CNTNAP5: variants seen among roughly 807,000 people sequenced by gnomAD.
CNTNAP5 encodes contactin associated protein family member 5.
A neutral mutation model predicts 150.2 loss-of-function variants in CNTNAP5; 72 were observed. That is an observed-to-expected ratio of 0.48 (90% CI 0.40 to 0.58). The LOEUF (loss-of-function observed/expected upper bound fraction) is 0.58, where lower values mean the gene tolerates loss of function less well. Ranked by LOEUF, CNTNAP5 falls within the 20% of genes least tolerant of loss-of-function variation. The pLI is 0.00. For synonymous variants in CNTNAP5, 672 were observed against 619.8 expected (o/e 1.08, Z -1.25); for missense variants, 1,636 against 1,626.2 (o/e 1.01, Z -0.10).
chr2:124,302,329 G>A (rs879833289), intron 3 of CNTNAP5, among the ~76,000 whole-genome samples: 12 of 152,324 alleles, frequency 7.9e-5, no homozygotes, highest in Admixed American at 2.6e-4. Context: ...TTTATGTGCC[G>A]GTCTTAGCTT....
At chr2:124,717,645 TCAC>T (rs1220569396) in intron 13 of CNTNAP5, among the ~76,000 whole-genome samples, 1 of 152,190 alleles carries the variant, frequency 6.6e-6, no homozygotes, top group African/African-American at 2.4e-5. Context: ...GAACGATGCA[TCAC>T]ACATGATTCT....
chr2:124,482,267 C>G (rs149398052), intron 7 of CNTNAP5, among the ~76,000 whole-genome samples: 2 of 152,232 alleles, frequency 1.3e-5, no homozygotes, highest in African/African-American at 4.8e-5. Context: ...TGACTGATGA[C>G]CTGTGGTTCT....
chr2:124,517,996 G>A (rs189790437), intron 8 of CNTNAP5, among the ~76,000 whole-genome samples: 57 of 151,756 alleles, frequency 3.8e-4, no homozygotes, highest in African/African-American at 1.4e-3. Flanking sequence ...TGGTGATGGG[G>A]GATTGTTATT....
At chr2:124,419,908 CTT>C (rs1229933288) in intron 4 of CNTNAP5, among the ~76,000 whole-genome samples, 2 of 113,986 alleles carry the variant, frequency 1.8e-5, no homozygotes, top group East Asian at 4.8e-4. Flanking sequence ...TTCTTTCTTT[CTT>C]TCTTTCTTTC....
chr2:124,496,451 CT>C (rs2104855193), intron 7 of CNTNAP5, among the ~76,000 whole-genome samples: 2 of 152,178 alleles, frequency 1.3e-5, no homozygotes, highest in Non-Finnish European at 2.9e-5. Context: ...TGTTTGATGC[CT>C]CATGACTGAA....
intron 12 of CNTNAP5, among the ~76,000 whole-genome samples, chr2:124,631,926 G>A (rs1407440509): frequency 6.6e-6 from 1 of 152,056 alleles, no homozygotes; most frequent in African/African-American, 2.4e-5. Context: ...ACACTTCTCA[G>A]AAAAGGCACA....
At chr2:124,476,313 T>G (rs1693639991) in intron 7 of CNTNAP5, among the ~76,000 whole-genome samples, 1 of 152,150 alleles carries the variant, frequency 6.6e-6, no homozygotes, top group South Asian at 2.1e-4. Flanking sequence ...TTGCATTTAC[T>G]CATATTTTTG....
intron 1 of CNTNAP5, among the ~76,000 whole-genome samples, chr2:124,187,707 T>A (rs926066155): frequency 1.3e-5 from 2 of 152,346 alleles, no homozygotes; most frequent in Admixed American, 1.3e-4. Context: ...GCAGGATGTT[T>A]GACCTGTGGT....
intron 6 of CNTNAP5, among the ~76,000 whole-genome samples, chr2:124,470,985 A>G (rs1693500397): frequency 1.3e-5 from 2 of 152,232 alleles, no homozygotes; most frequent in African/African-American, 2.4e-5. Context: ...CTTGTAGTAT[A>G]GTTTGAAGAA....
intron 13 of CNTNAP5, among the ~76,000 whole-genome samples, chr2:124,744,255 T>C (rs1222612431): frequency 6.6e-6 from 1 of 152,138 alleles, no homozygotes; most frequent in East Asian, 1.9e-4. Context: ...TTATAAGGGG[T>C]TTACCCTTTC....
chr2:124,573,173 T>C (rs1033438474), intron 11 of CNTNAP5, among the ~76,000 whole-genome samples: 8 of 152,218 alleles, frequency 5.3e-5, no homozygotes, highest in African/African-American at 1.7e-4. Context: ...AAATATTTTA[T>C]GGAACACAGA....
intron 13 of CNTNAP5, among the ~76,000 whole-genome samples, chr2:124,714,262 T>G: frequency 6.6e-6 from 1 of 152,044 alleles, no homozygotes; most frequent in African/African-American, 2.4e-5. Context: ...GTATAAACAC[T>G]GAAAAAATAC....
intron 19 of CNTNAP5, among the ~76,000 whole-genome samples, chr2:124,798,931 T>C (rs1345489746): frequency 6.6e-6 from 1 of 152,204 alleles, no homozygotes; most frequent in Non-Finnish European, 1.5e-5. Context: ...TATAGTACTA[T>C]TGTTTCACAA....
chr2:124,703,119 C>T (rs1051831631), intron 13 of CNTNAP5, among the ~76,000 whole-genome samples: 6 of 150,424 alleles, frequency 4.0e-5, no homozygotes, highest in Admixed American at 6.6e-5. Flanking sequence ...TCCTCCCTCC[C>T]TCCCTCCCTG....
chr2:124,713,316 T>C (rs1308639161), intron 13 of CNTNAP5, among the ~76,000 whole-genome samples: 3 of 97,404 alleles, frequency 3.1e-5, no homozygotes, highest in Non-Finnish European at 6.6e-5. Context: ...TTCTCTTTCT[T>C]TCCTTTCTTT....
At chr2:124,647,053 T>G (rs1678217479) in intron 12 of CNTNAP5, among the ~76,000 whole-genome samples, 1 of 152,170 alleles carries the variant, frequency 6.6e-6, no homozygotes, top group Admixed American at 6.5e-5. Flanking sequence ...CAAATACAGA[T>G]CTCCCATGTT....
intron 1 of CNTNAP5, among the ~76,000 whole-genome samples, chr2:124,155,197 C>A (rs1573797098): frequency 6.7e-6 from 1 of 148,768 alleles, no homozygotes; most frequent in Non-Finnish European, 1.5e-5. Flanking sequence ...TGGAAAAATG[C>A]AAAATGAGTC....
intron 13 of CNTNAP5, among the ~76,000 whole-genome samples, chr2:124,655,937 GAGAGAGAGAGAAAGAA>G (rs1267861168): frequency 0.01 from 536 of 52,312 alleles, 4 homozygotes; most frequent in African/African-American, 0.039. Context: ...GAGAGAGAGA[GAGAGAGAGAGAAAGAA>G]AGAAAGAAAG....
intron 17 of CNTNAP5, among the ~76,000 whole-genome samples, chr2:124,780,327 G>C (rs981074444): frequency 2.0e-5 from 3 of 152,116 alleles, no homozygotes; most frequent in African/African-American, 7.2e-5. Flanking sequence ...GGAAACTGAG[G>C]GGTTTTGACA....
Sources: allele counts gnomAD v4.1 joint callset (sites outside exome capture counted in the v4.1 genomes callset), GRCh38; gene constraint gnomAD v4.1.1; transcripts MANE v1.5; gene names NCBI Gene and HGNC (gene_info 2026-07-23, HGNC 2026-07-21).